The following CLVS2 variants were observed in gnomAD, a reference collection of about 807,000 sequenced individuals.
CLVS2 encodes the protein clavesin 2.
In CLVS2, 19 loss-of-function variants were observed where a neutral mutation model predicts 29.0. That is an observed-to-expected ratio of 0.66 (90% CI 0.46 to 0.96). CLVS2 has a LOEUF of 0.96. Ranked by LOEUF, CLVS2 falls within the 40% of genes least tolerant of loss-of-function variation. CLVS2 has a pLI of 0.00. For synonymous variants in CLVS2, 161 were observed against 151.3 expected (o/e 1.06, Z -0.47); for missense variants, 294 against 404.1 (o/e 0.73, Z 2.34).
rs1194368112 is a variant in CLVS2, at chr6:123,011,138, A to T, written c.543A>T (p.Arg181=). The T allele has an allele frequency of 6.3e-7, 1 of 1,582,788 alleles. No homozygotes were observed. The highest frequency in any genetic ancestry group is 1.4e-5 in the African/African-American group (1 of 73,560). Residue 181 remains arginine (R), a synonymous_variant, in exon 3 of 6, where the codon CGA becomes CGT. Coordinates refer to ENST00000275162, the MANE Select transcript of CLVS2 (RefSeq NM_001010852.4). ...QASKLTPSML[R]LAIEGLQDSF... ...CTAAACTCACACCAAGTATGCTGCGATTAGCTATTGAAGGCCTGCAGGTAG... is the reference window on the plus strand; with the variant it reads ...CTAAACTCACACCAAGTATGCTGCGTTTAGCTATTGAAGGCCTGCAGGTAG...
chr6:123,011,844 C>G (rs1384298553), intron 3 of CLVS2, among the ~76,000 whole-genome samples: 1 of 151,998 alleles, frequency 6.6e-6, no homozygotes, highest in Non-Finnish European at 1.5e-5. Flanking sequence ...CTTTATGCTA[C>G]TTTGTGTACA....
At chr6:123,062,766 C>A (rs1021607580) in intron 5 of CLVS2, among the ~76,000 whole-genome samples, 2 of 152,144 alleles carry the variant, frequency 1.3e-5, no homozygotes, top group Non-Finnish European at 2.9e-5. Flanking sequence ...TGCTAAGAGG[C>A]ATATTGCCAC....
rs1772877382 is a variant in CLVS2, at chr6:123,067,298, A to G, written c.*3537A>G. 1 of 151,522 alleles carries G rather than the reference A, an allele frequency of 6.6e-6. No homozygotes were observed. Among genetic ancestry groups the G allele is most frequent in the South Asian group, 2.1e-4 (1 of 4,824 alleles). The allele number at this position is 151,522 out of a possible 1,614,324, so 9.4% of individuals were successfully genotyped here. A position where few individuals can be genotyped will look rare whatever the true frequency, so the allele number is the denominator to read the frequency against. On this transcript the variant is annotated 3_prime_UTR_variant, in exon 6 of 6. Transcript: ENST00000275162. ...TTAGACATTGGGGAATATGTTTATG[A>G]CTCTTCACATAAAGAAACCTTCAGA...
At chr6:123,000,446 G>A (rs1582640716) in intron 2 of CLVS2, among the ~76,000 whole-genome samples, 1 of 152,100 alleles carries the variant, frequency 6.6e-6, no homozygotes, top group East Asian at 1.9e-4. Flanking sequence ...TGGAGCATGT[G>A]CATAAAAACG....
At chr6:123,004,953 A>C (rs781184807) in intron 2 of CLVS2, among the ~76,000 whole-genome samples, 35 of 11,500 alleles carry the variant, frequency 3.0e-3, no homozygotes, top group Non-Finnish European at 4.2e-3. Flanking sequence ...CAAAAAACAA[A>C]AAAAAAAAAA....
intron 3 of CLVS2, among the ~76,000 whole-genome samples, chr6:123,034,830 G>C (rs1775128711): frequency 6.6e-6 from 1 of 151,960 alleles, no homozygotes; most frequent in South Asian, 2.1e-4. Flanking sequence ...CCGGGCAAGG[G>C]GTGCATGGGA....
intron 3 of CLVS2, among the ~76,000 whole-genome samples, chr6:123,018,416 T>G (rs2114317327): frequency 6.6e-6 from 1 of 152,240 alleles, no homozygotes; most frequent in East Asian, 1.9e-4. Context: ...CTGATGAAAT[T>G]GACATGCTTG....
intron 4 of CLVS2, among the ~76,000 whole-genome samples, chr6:123,049,604 C>G (rs1435343892): frequency 6.6e-6 from 1 of 152,152 alleles, no homozygotes; most frequent in Non-Finnish European, 1.5e-5. Flanking sequence ...TTTTTACTTC[C>G]TGGTGCTGTT....
intron 5 of CLVS2, among the ~76,000 whole-genome samples, 196 bp from the exon 6 acceptor site, chr6:123,063,478 T>A (rs1772808622): frequency 6.6e-6 from 1 of 152,066 alleles, no homozygotes; most frequent in Admixed American, 6.6e-5. Context: ...CAGAGGGGAT[T>A]TTTTTCCTCA....
At chr6:123,006,384 C>T (rs1462212641) in intron 2 of CLVS2, among the ~76,000 whole-genome samples, 2 of 151,974 alleles carry the variant, frequency 1.3e-5, no homozygotes, top group African/African-American at 4.8e-5. Flanking sequence ...GTGTTGTGTG[C>T]AGGACAATTT....
chr6:123,040,769 AAAAAGAAAAGAAAAG>A (rs79565060), intron 3 of CLVS2, among the ~76,000 whole-genome samples: 1 of 145,958 alleles, frequency 6.9e-6, no homozygotes, highest in Non-Finnish European at 1.5e-5. Flanking sequence ...CTCCGTCTCA[AAAAAGAAAAGAAAAG>A]AAAAGAAAAG....
intron 3 of CLVS2, among the ~76,000 whole-genome samples, chr6:123,045,739 C>G (rs897631585): frequency 6.6e-6 from 1 of 152,076 alleles, no homozygotes; most frequent in Non-Finnish European, 1.5e-5. Context: ...AAGGAGCTCA[C>G]GGTTTAATAG....
intron 3 of CLVS2, among the ~76,000 whole-genome samples, chr6:123,024,387 T>C (rs957142820): frequency 1.3e-5 from 2 of 152,176 alleles, no homozygotes; most frequent in African/African-American, 4.8e-5. Flanking sequence ...TGAAGAGATT[T>C]GTATATACAT....
intron 4 of CLVS2, among the ~76,000 whole-genome samples, chr6:123,051,486 T>G (rs2114358165): frequency 6.6e-6 from 1 of 152,258 alleles, no homozygotes; most frequent in East Asian, 1.9e-4. Context: ...GAAAAAGGGG[T>G]ATCTTTGCAA....
intron 2 of CLVS2, among the ~76,000 whole-genome samples, chr6:123,008,049 G>C (rs538105288): frequency 6.6e-6 from 1 of 152,272 alleles, no homozygotes; most frequent in East Asian, 1.9e-4. Flanking sequence ...GCAAGATCCT[G>C]TGTAGTACTG....
chr6:123,008,026 T>G lies in CLVS2; in HGVS notation c.390-2959T>G, dbSNP rs147589381. Among the ~76,000 whole-genome samples the G allele has an allele frequency of 3.9e-4, 59 of 152,244 alleles. No individual in the cohort carries two copies. The East Asian group carries it at 9.9e-3, about 25-fold the overall frequency. On this transcript the variant is annotated intron_variant, in intron 2 of 5. Transcript: ENST00000275162. ...GATGCTACATTTCTTTGGAAGATATTTTACAGATTCTGGCAAGATCCTGTG... is the reference window on the plus strand; with the variant it reads ...GATGCTACATTTCTTTGGAAGATATGTTACAGATTCTGGCAAGATCCTGTG...
In CLVS2 at chr6:123,050,289, G is replaced by A. The variant is rs998075552; in HGVS notation, c.675+1557G>A. Among the ~76,000 whole-genome samples the A allele has an allele frequency of 2.6e-5, 4 of 152,142 alleles. No homozygotes were observed. In the East Asian group the frequency reaches 5.8e-4, roughly 22 times the overall value. ...TCAAGTGATCCAAAAAACCTGCAGG[G>A]GCTTTTAGTACAAATTATACTGGTG... is the stretch of plus-strand genomic sequence containing the variant. On this transcript the variant is annotated intron_variant, in intron 4 of 5. Coordinates refer to ENST00000275162, the MANE Select transcript of CLVS2 (RefSeq NM_001010852.4).
intron 3 of CLVS2, among the ~76,000 whole-genome samples, chr6:123,045,434 A>G (rs959626829): frequency 1.3e-5 from 2 of 151,998 alleles, no homozygotes; most frequent in African/African-American, 4.8e-5. Flanking sequence ...GCTGTCCCGG[A>G]GGCCTCTCAC....
intron 4 of CLVS2, among the ~76,000 whole-genome samples, chr6:123,049,019 A>G (rs546058683): frequency 2.6e-5 from 4 of 152,306 alleles, no homozygotes; most frequent in Admixed American, 6.5e-5. Flanking sequence ...CTCTTATGCC[A>G]TGTTACTATA....
Sources: allele counts gnomAD v4.1 joint callset (sites outside exome capture counted in the v4.1 genomes callset), GRCh38; gene constraint gnomAD v4.1.1; transcripts MANE v1.5; gene names NCBI Gene and HGNC (gene_info 2026-07-23, HGNC 2026-07-21).